Variants in DRC11 observed in about 807,000 individuals in gnomAD.
DRC11 encodes the protein IQ and AAA domain-containing protein 1.
the DRC11 span, among the ~76,000 whole-genome samples, chr2:236,478,800 CT>C: frequency 2.8e-4 from 39 of 138,652 alleles, no homozygotes; most frequent in South Asian, 2.3e-3. The surrounding 1 kb of genome is among the most constrained non-coding windows in gnomAD (Gnocchi z 5.9). Context: ...TTTTTGGGTT[CT>C]TTTTTTTTTA....
the DRC11 span, among the ~76,000 whole-genome samples, chr2:236,357,060 A>ATT: frequency 1.3e-5 from 1 of 74,382 alleles, no homozygotes; most frequent in Non-Finnish European, 3.2e-5. Flanking sequence ...ATATCTATTT[A>ATT]TATATTCATA....
the DRC11 span, among the ~76,000 whole-genome samples, chr2:236,371,199 C>G: frequency 6.6e-6 from 1 of 152,060 alleles, no homozygotes; most frequent in Admixed American, 6.5e-5. This position sits in a 1 kb window ranked among gnomAD's most constrained non-coding sequence, Gnocchi z 5.1. Flanking sequence ...CTTCTAGAAG[C>G]AGGAGAAATA....
At chr2:236,459,363 G>A in the DRC11 span, among the ~76,000 whole-genome samples, 3 of 151,594 alleles carry the variant, frequency 2.0e-5, no homozygotes, top group Admixed American at 1.3e-4. Context: ...CCATGCAATC[G>A]AAAGTGAGGC....
the DRC11 span, among the ~76,000 whole-genome samples, chr2:236,310,367 C>T: frequency 3.2e-4 from 48 of 152,340 alleles, no homozygotes; most frequent in African/African-American, 1.1e-3. This position sits in a 1 kb window ranked among gnomAD's most constrained non-coding sequence, Gnocchi z 5.5. Context: ...CTGGACACGG[C>T]ACTACTGTGC....
chr2:236,499,122 C>A, the DRC11 span, among the ~76,000 whole-genome samples: 1 of 152,220 alleles, frequency 6.6e-6, no homozygotes, highest in Non-Finnish European at 1.5e-5. The surrounding 1 kb of genome is among the most constrained non-coding windows in gnomAD (Gnocchi z 4.7). Flanking sequence ...GCCACTCATT[C>A]CCGTGCTTAC....
At chr2:236,406,748 TA>T in the DRC11 span, among the ~76,000 whole-genome samples, 1 of 151,480 alleles carries the variant, frequency 6.6e-6, no homozygotes, top group Non-Finnish European at 1.5e-5. This position sits in a 1 kb window ranked among gnomAD's most constrained non-coding sequence, Gnocchi z 4.7. Flanking sequence ...GGATCTCCAC[TA>T]TTTTTTTTTT....
the DRC11 span, among the ~76,000 whole-genome samples, chr2:236,356,981 A>G: frequency 0.011 from 1,289 of 118,008 alleles, 73 homozygotes; most frequent in African/African-American, 0.039. Flanking sequence ...ATATATTCAT[A>G]TATTATATAT....
chr2:236,394,751 C>T, the DRC11 span, among the ~76,000 whole-genome samples: 10 of 152,116 alleles, frequency 6.6e-5, no homozygotes, highest in African/African-American at 2.4e-4. The surrounding 1 kb of genome is among the most constrained non-coding windows in gnomAD (Gnocchi z 7.0). Flanking sequence ...GGACAGACTA[C>T]GGCACGGATG....
the DRC11 span, among the ~76,000 whole-genome samples, chr2:236,466,577 C>A: frequency 4.6e-5 from 7 of 152,124 alleles, no homozygotes; most frequent in African/African-American, 1.7e-4. Flanking sequence ...AGCTTACAAT[C>A]ATGATGGAAG....
At chr2:236,357,609 ATT>A in the DRC11 span, among the ~76,000 whole-genome samples, 1 of 124,556 alleles carries the variant, frequency 8.0e-6, no homozygotes, top group Admixed American at 8.8e-5. Flanking sequence ...GTAAATATAT[ATT>A]TATAAATATA....
At chr2:236,449,933 G>A in the DRC11 span, among the ~76,000 whole-genome samples, 20 of 152,250 alleles carry the variant, frequency 1.3e-4, no homozygotes, top group South Asian at 2.5e-3. The surrounding 1 kb of genome is among the most constrained non-coding windows in gnomAD (Gnocchi z 5.1). Flanking sequence ...AGGGACAGGA[G>A]GAGAAACCCC....
chr2:236,489,461 G>C, the DRC11 span, among the ~76,000 whole-genome samples: 2 of 152,084 alleles, frequency 1.3e-5, no homozygotes, highest in Non-Finnish European at 2.9e-5. Context: ...GGGCCTATGT[G>C]GGCTCCGGGT....
At chr2:236,394,213 C>T in the DRC11 span, among the ~76,000 whole-genome samples, 1 of 152,174 alleles carries the variant, frequency 6.6e-6, no homozygotes, top group African/African-American at 2.4e-5. The surrounding 1 kb of genome is among the most constrained non-coding windows in gnomAD (Gnocchi z 7.0). Flanking sequence ...AAAGCAGGTG[C>T]ATGCCAGCAA....
the DRC11 span, among the ~76,000 whole-genome samples, chr2:236,438,577 A>G: frequency 6.6e-6 from 1 of 152,072 alleles, no homozygotes; most frequent in South Asian, 2.1e-4. Context: ...ACCCATGAGC[A>G]TGGAATGTTC....
chr2:236,309,581 G>A, the DRC11 span, among the ~76,000 whole-genome samples: 12,852 of 152,190 alleles, frequency 0.084, 1,254 homozygotes, highest in African/African-American at 0.22. The surrounding 1 kb of genome is among the most constrained non-coding windows in gnomAD (Gnocchi z 5.7). Flanking sequence ...TGGAAATGGC[G>A]AATAGCTTAT....
chr2:236,496,019 C>G, the DRC11 span, among the ~76,000 whole-genome samples: 1 of 152,116 alleles, frequency 6.6e-6, no homozygotes, highest in Non-Finnish European at 1.5e-5. The surrounding 1 kb of genome is among the most constrained non-coding windows in gnomAD (Gnocchi z 6.3). Flanking sequence ...ACAACAGGGG[C>G]ATGACTTCCT....
At chr2:236,456,474 G>A in the DRC11 span, among the ~76,000 whole-genome samples, 670 of 152,306 alleles carry the variant, frequency 4.4e-3, 8 homozygotes, top group African/African-American at 0.015. The surrounding 1 kb of genome is among the most constrained non-coding windows in gnomAD (Gnocchi z 5.4). Context: ...AAGACTGAAA[G>A]TGGTGGCTGG....
At chr2:236,384,803 T>C in the DRC11 span, among the ~76,000 whole-genome samples, 35 of 152,038 alleles carry the variant, frequency 2.3e-4, no homozygotes, top group African/African-American at 7.5e-4. Context: ...GGTCTAACGT[T>C]TAAGTCTTTA....
At chr2:236,368,608 G>C in the DRC11 span, 18 of 221,240 alleles carry the variant, frequency 8.1e-5, no homozygotes, top group East Asian at 1.9e-3. Flanking sequence ...ATGGGACAAA[G>C]TGCTAAAAAG....
Sources: allele counts gnomAD v4.1 joint callset (sites outside exome capture counted in the v4.1 genomes callset), GRCh38; gene constraint gnomAD v4.1.1; non-coding constraint Gnocchi (gnomAD v3.1); transcripts MANE v1.5; gene names NCBI Gene and HGNC (gene_info 2026-07-23, HGNC 2026-07-21).